ARHGAP12: variants seen among roughly 807,000 people sequenced by gnomAD.
The protein encoded by ARHGAP12 is rho GTPase-activating protein 12.
ARHGAP12 carries 64 observed loss-of-function variants against 108.6 expected under a neutral mutation model. The observed-to-expected ratio is 0.59, with a 90% CI of 0.48 to 0.73. The LOEUF is 0.73. Ranked by LOEUF, ARHGAP12 falls within the 30% of genes least tolerant of loss-of-function variation. The probability of loss-of-function intolerance (pLI) is 0.00; values close to 1 mark genes in which losing one functional copy is unlikely to be tolerated. For missense variants in ARHGAP12, 940 were observed against 1,005.9 expected (o/e 0.93, Z 0.89); for synonymous variants, 312 against 337.2 (o/e 0.93, Z 0.82).
At chr10:31,864,870 C>T (rs1837263277) in intron 3 of ARHGAP12, among the ~76,000 whole-genome samples, 1 of 152,074 alleles carries the variant, frequency 6.6e-6, no homozygotes, top group African/African-American at 2.4e-5. Context: ...GAAAGTGAAA[C>T]ATGATAATAA....
intron 7 of ARHGAP12, 80 bp downstream of exon 7, chr10:31,843,381 C>A: frequency 1.5e-5 from 21 of 1,384,918 alleles, no homozygotes; most frequent in Non-Finnish European, 2.0e-5. Context: ...TTACTAAATA[C>A]ATAAAATATT....
chr10:31,868,493 T>C (rs1413099192), intron 3 of ARHGAP12, among the ~76,000 whole-genome samples: 2 of 151,958 alleles, frequency 1.3e-5, no homozygotes, highest in South Asian at 2.1e-4. Flanking sequence ...AAAGTGACAA[T>C]AGTATTGACC....
At chr10:31,828,289 C>T (rs544518344) in intron 10 of ARHGAP12, among the ~76,000 whole-genome samples, 2 of 150,350 alleles carry the variant, frequency 1.3e-5, no homozygotes, top group South Asian at 2.1e-4. Flanking sequence ...TTAAGTTTTG[C>T]TTTTTTATGC....
chr10:31,843,004 A>C (rs533861065), intron 7 of ARHGAP12, among the ~76,000 whole-genome samples: 2 of 152,148 alleles, frequency 1.3e-5, no homozygotes, highest in African/African-American at 4.8e-5. Flanking sequence ...TAGAATTCCA[A>C]TATTACCTGG....
At position 31,808,661 on chromosome 10, in the gene ARHGAP12, C is replaced by A. The variant is rs768974025; in HGVS notation, c.2354G>T (p.Arg785Leu). 6.2e-7 allele frequency: 1 copy of A among 1,613,282 alleles called. No homozygotes were observed. The highest frequency in any genetic ancestry group is 8.5e-7 in the Non-Finnish European group (1 of 1,179,456). Reference protein sequence around the residue: ...PNQDTMQILFRHLRRVIENGE... With the variant: ...PNQDTMQILFLHLRRVIENGE... ...GCAGTCCTCCTACCTTCTGAGATGT[C>A]GGAAAAGAATCTGCATTGTGTCTTG... Residue 785 changes from arginine to leucine, a missense_variant, in exon 19 of 20, where the codon CGA (arginine) becomes CTA (leucine). Coordinates refer to ENST00000344936, the MANE Select transcript of ARHGAP12 (RefSeq NM_018287.7).
chr10:31,901,189 C>A (rs182833918), intron 3 of ARHGAP12, among the ~76,000 whole-genome samples: 1 of 146,330 alleles, frequency 6.8e-6, no homozygotes, highest in Non-Finnish European at 1.5e-5. Context: ...GCACTCCACT[C>A]TGGGTGACAG....
intron 3 of ARHGAP12, among the ~76,000 whole-genome samples, chr10:31,904,989 TAAAG>T (rs1839069583): frequency 6.6e-6 from 1 of 152,026 alleles, no homozygotes; most frequent in Non-Finnish European, 1.5e-5. Flanking sequence ...AAAGTTTAAT[TAAAG>T]AAGACTGATC....
chr10:31,889,277 C>T (rs1464404239), intron 3 of ARHGAP12, among the ~76,000 whole-genome samples: 1 of 152,186 alleles, frequency 6.6e-6, no homozygotes, highest in Non-Finnish European at 1.5e-5. Flanking sequence ...AAACCCAGAA[C>T]CTGGCAGTAT....
chr10:31,893,342 C>G (rs994945024), intron 3 of ARHGAP12, among the ~76,000 whole-genome samples: 29 of 152,158 alleles, frequency 1.9e-4, no homozygotes, highest in Admixed American at 1.5e-3. Context: ...AATTGATAGA[C>G]TGCTAGCAAG....
chr10:31,903,734 T>TAA (rs1026660481), intron 3 of ARHGAP12, among the ~76,000 whole-genome samples: 2 of 141,290 alleles, frequency 1.4e-5, no homozygotes, highest in African/African-American at 5.2e-5. Flanking sequence ...CTAAACTATG[T>TAA]AAAAAAAAAA....
At chr10:31,893,933 T>C (rs1339421184) in intron 3 of ARHGAP12, among the ~76,000 whole-genome samples, 2 of 152,160 alleles carry the variant, frequency 1.3e-5, no homozygotes, top group Non-Finnish European at 2.9e-5. Context: ...GGATGCAAGG[T>C]TGGTTCAACA....
At chr10:31,811,297 C>T (rs956911016) in intron 15 of ARHGAP12, among the ~76,000 whole-genome samples, 1 of 152,198 alleles carries the variant, frequency 6.6e-6, no homozygotes, top group East Asian at 1.9e-4. Flanking sequence ...ATTTTAAAAA[C>T]TATTAAAATA....
At chr10:31,893,548 A>G (rs1838547291) in intron 3 of ARHGAP12, among the ~76,000 whole-genome samples, 1 of 133,174 alleles carries the variant, frequency 7.5e-6, no homozygotes, top group Non-Finnish European at 1.7e-5. Context: ...TAAACCAGGA[A>G]GAAGTTGAAT....
chr10:31,814,497 T>C (rs1835131492), intron 13 of ARHGAP12, 136 bp from the exon 14 acceptor site: 2 of 664,704 alleles, frequency 3.0e-6, no homozygotes, highest in Non-Finnish European at 5.3e-6. Flanking sequence ...ACAGTATGTA[T>C]GACTTAGATA....
At chr10:31,870,716 GA>G (rs995252777) in intron 3 of ARHGAP12, among the ~76,000 whole-genome samples, 4 of 152,060 alleles carry the variant, frequency 2.6e-5, no homozygotes, top group African/African-American at 9.7e-5. Flanking sequence ...AATATTACCT[GA>G]AAAATATAAC....
chr10:31,887,123 T>C (rs754426401), intron 3 of ARHGAP12, among the ~76,000 whole-genome samples: 1 of 152,168 alleles, frequency 6.6e-6, no homozygotes, highest in Non-Finnish European at 1.5e-5. Context: ...CATGTACTTG[T>C]GGAGGCTTGG....
intron 10 of ARHGAP12, among the ~76,000 whole-genome samples, chr10:31,828,710 A>C (rs776051508): frequency 2.6e-5 from 4 of 152,072 alleles, no homozygotes; most frequent in Admixed American, 6.5e-5. Flanking sequence ...TTTTTCCTGG[A>C]ACCCCATTTT....
intron 6 of ARHGAP12, among the ~76,000 whole-genome samples, chr10:31,848,594 T>C (rs1327206144): frequency 6.6e-6 from 1 of 152,358 alleles, no homozygotes; most frequent in East Asian, 1.9e-4. Context: ...CTAAAGTTTA[T>C]GCTGACTGCA....
rs912360902 is a variant in ARHGAP12, at chr10:31,839,333, G to C, written c.1372-14C>G. On this transcript the variant is annotated splice_polypyrimidine_tract_variant and intron_variant, in intron 8 of 19. Transcript: ENST00000344936. ...TGGACTGCTGGCCTGAGGAAAAAAA[G>C]AGTAAAGTATAATGTCATAGTATTG... 5 of 1,609,408 alleles carry C rather than the reference G, an allele frequency of 3.1e-6. No homozygotes were observed. The highest frequency in any genetic ancestry group is 2.2e-5 in the South Asian group (2 of 90,486).
Sources: gnomAD v4.1 joint callset for allele counts (sites outside exome capture counted in the v4.1 genomes callset) on GRCh38, gnomAD v4.1.1 for gene constraint, MANE v1.5 for transcripts, NCBI Gene and HGNC (gene_info 2026-07-23, HGNC 2026-07-21) for gene names.